The following NREP variants were observed in gnomAD, a reference collection of about 807,000 sequenced individuals.
The protein encoded by NREP is neuronal regeneration related protein.
In NREP, 5 loss-of-function variants were observed where a neutral mutation model predicts 8.6. That is an observed-to-expected ratio of 0.58 (90% confidence interval 0.30 to 1.22). The LOEUF (loss-of-function observed/expected upper bound fraction) is 1.22, where lower values mean the gene tolerates loss of function less well. Among genes scored for constraint, NREP ranks in the 50% most tolerant of loss-of-function variants. The probability of loss-of-function intolerance (pLI) is 0.07; values close to 1 mark genes in which losing one functional copy is unlikely to be tolerated. For missense variants in NREP, 86 were observed against 82.5 expected, an observed-to-expected ratio of 1.04 and a Z score of -0.17; for synonymous variants, 27 against 28.0, an observed-to-expected ratio of 0.96 and a Z score of 0.11.
intron 2 of NREP, among the ~76,000 whole-genome samples, chr5:111,955,262 C>G (rs1430173967): frequency 6.6e-5 from 10 of 151,866 alleles, no homozygotes; most frequent in African/African-American, 2.4e-4. Flanking sequence ...TGTATGTATT[C>G]AAAGAGAAAT....
At chr5:111,876,082 T>A (rs1753901287) in intron 2 of NREP, among the ~76,000 whole-genome samples, 1 of 152,148 alleles carries the variant, frequency 6.6e-6, no homozygotes, top group African/African-American at 2.4e-5. Context: ...AGGCAGGTTT[T>A]CAGCATGAGC....
chr5:111,828,072 C>T (rs1407315085), intron 2 of NREP, among the ~76,000 whole-genome samples: 2 of 151,622 alleles, frequency 1.3e-5, no homozygotes, highest in African/African-American at 4.8e-5. Flanking sequence ...TCTTGTTTGC[C>T]CAGGCTGGAG....
intron 2 of NREP, among the ~76,000 whole-genome samples, chr5:111,950,276 G>A (rs668195): frequency 0.013 from 1,938 of 152,118 alleles, 40 homozygotes; most frequent in African/African-American, 0.044. Context: ...CAACAAATCT[G>A]ACAGAAACAA....
chr5:111,926,977 C>T (rs1486262600), intron 2 of NREP, among the ~76,000 whole-genome samples: 1 of 151,790 alleles, frequency 6.6e-6, no homozygotes, highest in Non-Finnish European at 1.5e-5. Context: ...TCCGCTAATT[C>T]CCCTTTGATT....
intron 2 of NREP, among the ~76,000 whole-genome samples, chr5:111,880,832 G>C (rs1458018689): frequency 6.7e-6 from 1 of 148,654 alleles, no homozygotes; most frequent in East Asian, 2.0e-4. Context: ...AACATCCCAG[G>C]CTCATAGAGG....
At position 111,731,158 on chromosome 5, in the gene NREP, C is replaced by T. The variant is rs1053551503; in HGVS notation, c.82-112G>A. 12 of 1,102,392 alleles carry T rather than the reference C, an allele frequency of 1.1e-5. No homozygotes were observed. In the East Asian group the frequency reaches 1.5e-4, roughly 14 times the overall value. The allele number at this position is 1,102,392 out of a possible 1,614,324, so 68.3% of individuals were successfully genotyped here. A position where few individuals can be genotyped will look rare whatever the true frequency, so the allele number is the denominator to read the frequency against. ...CTTTTCCTGCCCAGCCCACATTATA[C>T]CCTTGAACTCTTGCTGTTTTGCAAA... On this transcript the variant is annotated intron_variant, in intron 3 of 3. Transcript: ENST00000257435.
At chr5:111,813,435 G>A (rs906897097) in intron 2 of NREP, among the ~76,000 whole-genome samples, 8 of 152,182 alleles carry the variant, frequency 5.3e-5, no homozygotes, top group Middle Eastern at 6.8e-3. Context: ...ATATAAAGGT[G>A]ATGACTTATA....
chr5:111,730,778 A>C lies in NREP; in HGVS notation c.*143T>G, dbSNP rs1454239212. Reference sequence around the variant, plus strand: ...CTGGTTTGATGACACCTATTTGTCCACTGTAAATTCTCTAAAGCAAGGCTC... The same window carrying C: ...CTGGTTTGATGACACCTATTTGTCCCCTGTAAATTCTCTAAAGCAAGGCTC... On this transcript the variant is annotated 3_prime_UTR_variant, in exon 4 of 4. Transcript: ENST00000257435. 4.3e-6 allele frequency: 4 copies of C among 920,324 alleles called. No homozygotes were observed. The highest frequency in any genetic ancestry group is 6.5e-6 in the Non-Finnish European group (4 of 617,798). The allele number at this position is 920,324 out of a possible 1,614,324, so 57.0% of individuals were successfully genotyped here. A position where few individuals can be genotyped will look rare whatever the true frequency, so the allele number is the denominator to read the frequency against.
chr5:111,847,618 T>G (rs1207975712), intron 2 of NREP, among the ~76,000 whole-genome samples: 1 of 152,200 alleles, frequency 6.6e-6, no homozygotes, highest in African/African-American at 2.4e-5. Flanking sequence ...AGACCCAAGT[T>G]TAAAGTTATC....
intron 2 of NREP, among the ~76,000 whole-genome samples, chr5:111,878,575 G>A (rs1454708603): frequency 6.6e-6 from 1 of 152,146 alleles, no homozygotes; most frequent in Non-Finnish European, 1.5e-5. Context: ...GGGGAACAAA[G>A]CCCAACCATA....
intron 2 of NREP, among the ~76,000 whole-genome samples, chr5:111,741,550 A>T (rs1749663798): frequency 6.6e-6 from 1 of 152,176 alleles, no homozygotes; most frequent in African/African-American, 2.4e-5. Flanking sequence ...AGATGGTGCC[A>T]AAAGATGATG....
intron 2 of NREP, among the ~76,000 whole-genome samples, chr5:111,807,829 C>T (rs1159569000): frequency 6.6e-6 from 1 of 152,158 alleles, no homozygotes; most frequent in South Asian, 2.1e-4. Flanking sequence ...AAAATTTCCA[C>T]AGAAAATGTC....
chr5:111,854,073 T>C (rs1753368911), intron 2 of NREP, among the ~76,000 whole-genome samples: 1 of 152,144 alleles, frequency 6.6e-6, no homozygotes. Context: ...CTGAAAGCAA[T>C]GTAGGATTTT....
intron 2 of NREP, among the ~76,000 whole-genome samples, chr5:111,828,408 C>T (rs1003917389): frequency 7.2e-5 from 11 of 151,944 alleles, no homozygotes; most frequent in Admixed American, 6.6e-4. Context: ...AGGGGATGTG[C>T]TACTTTGGGA....
At chr5:111,825,938 A>T (rs1440885956) in intron 2 of NREP, among the ~76,000 whole-genome samples, 1 of 151,576 alleles carries the variant, frequency 6.6e-6, no homozygotes, top group Non-Finnish European at 1.5e-5. Flanking sequence ...GTGGAAATAT[A>T]ATCTTTTTGC....
chr5:111,878,073 G>T (rs1228783037), intron 2 of NREP, among the ~76,000 whole-genome samples: 1 of 152,140 alleles, frequency 6.6e-6, no homozygotes, highest in Non-Finnish European at 1.5e-5. Context: ...CTCAGACGAG[G>T]ACTAGACTAG....
chr5:111,936,320 T>C (rs1434693815), intron 2 of NREP, among the ~76,000 whole-genome samples: 2 of 152,002 alleles, frequency 1.3e-5, no homozygotes, highest in Non-Finnish European at 2.9e-5. Flanking sequence ...GTTTTATAAG[T>C]GTGTGACAGT....
chr5:111,931,081 A>G (rs934890079), intron 2 of NREP, among the ~76,000 whole-genome samples: 19 of 152,028 alleles, frequency 1.2e-4, no homozygotes, highest in African/African-American at 4.3e-4. Flanking sequence ...TGCTGAATTA[A>G]ATAATCCAGG....
At chr5:111,916,106 G>T (rs1430070719) in intron 2 of NREP, among the ~76,000 whole-genome samples, 1 of 151,996 alleles carries the variant, frequency 6.6e-6, no homozygotes, top group Non-Finnish European at 1.5e-5. Context: ...GCAAGCCAAA[G>T]AAGCCCATTT....
Sources: gnomAD v4.1 joint callset for allele counts (sites outside exome capture counted in the v4.1 genomes callset) on GRCh38, gnomAD v4.1.1 for gene constraint, MANE v1.5 for transcripts, NCBI Gene and HGNC (gene_info 2026-07-23, HGNC 2026-07-21) for gene names.